The following STPG2 variants were observed in gnomAD, a reference collection of about 807,000 sequenced individuals.
STPG2 encodes sperm-tail PG-rich repeat-containing protein 2.
In STPG2, 56 loss-of-function variants were observed where a neutral mutation model predicts 54.2. The ratio of observed to expected loss-of-function variants is 1.03; its 90% CI spans 0.83 to 1.29. The LOEUF (loss-of-function observed/expected upper bound fraction) is 1.29, where lower values mean the gene tolerates loss of function less well. Among genes scored for constraint, STPG2 ranks in the 50% most tolerant of loss-of-function variants. The pLI is 0.00. For missense variants in STPG2, 596 were observed against 544.9 expected (o/e 1.09, Z -0.93); for synonymous variants, 200 against 181.8 (o/e 1.10, Z -0.81).
At chr4:97,502,643 G>T (rs1730750853) in intron 4 of STPG2, among the ~76,000 whole-genome samples, 2 of 151,682 alleles carry the variant, frequency 1.3e-5, no homozygotes, top group African/African-American at 4.8e-5. Flanking sequence ...GTAAAGAAAT[G>T]GTGGTAAATA....
At chr4:98,132,448 C>A (rs1740022388) in intron 2 of STPG2, among the ~76,000 whole-genome samples, 1 of 151,936 alleles carries the variant, frequency 6.6e-6, no homozygotes, top group Non-Finnish European at 1.5e-5. Context: ...AACGTACTGA[C>A]TGAAGATGCT....
intron 5 of STPG2, among the ~76,000 whole-genome samples, chr4:98,047,913 C>T (rs1269991872): frequency 6.6e-6 from 1 of 152,048 alleles, no homozygotes; most frequent in Non-Finnish European, 1.5e-5. Context: ...TAAGTGGATA[C>T]GTGATACATA....
intron 4 of STPG2, among the ~76,000 whole-genome samples, chr4:97,533,093 G>A (rs879326935): frequency 2.6e-5 from 4 of 152,060 alleles, no homozygotes; most frequent in African/African-American, 7.2e-5. Flanking sequence ...GTGTTAGCCA[G>A]GATGGTTTCG....
chr4:97,662,708 G>C (rs969990863), intron 10 of STPG2, among the ~76,000 whole-genome samples: 11 of 152,104 alleles, frequency 7.2e-5, no homozygotes, highest in African/African-American at 2.7e-4. Flanking sequence ...AATATTGCAT[G>C]TTGTCATTTA....
intron 4 of STPG2, among the ~76,000 whole-genome samples, chr4:97,455,587 C>T (rs1408444533): frequency 6.6e-6 from 1 of 152,218 alleles, no homozygotes; most frequent in African/African-American, 2.4e-5. Flanking sequence ...ACTACATCCC[C>T]TTCTGGCTCT....
intron 9 of STPG2, among the ~76,000 whole-genome samples, chr4:97,831,281 A>G (rs1282954003): frequency 6.6e-6 from 1 of 152,196 alleles, no homozygotes; most frequent in African/African-American, 2.4e-5. Context: ...TACTGGGTAA[A>G]TAACGAAATG....
In STPG2 at chr4:97,771,297, G is replaced by A. The variant is rs1420214785; in HGVS notation, c.1205-58483C>T. On this transcript the variant is annotated intron_variant, in intron 9 of 10. Transcript: ENST00000295268. ...GAAGAATTATTAAACTATGATAAAA[G>A]AGTAACTCTAGGATATAAGAAAACT... Among the ~76,000 whole-genome samples the A allele has an allele frequency of 1.3e-5, 2 of 152,160 alleles. 1 individual carries two copies. The highest frequency in any genetic ancestry group is 2.9e-5 in the Non-Finnish European group (2 of 68,038).
At chr4:97,884,470 T>G (rs894687487) in intron 8 of STPG2, among the ~76,000 whole-genome samples, 3 of 152,146 alleles carry the variant, frequency 2.0e-5, no homozygotes, top group African/African-American at 7.2e-5. Flanking sequence ...AAAAACCATG[T>G]GAAGACACCA....
intron 8 of STPG2, among the ~76,000 whole-genome samples, chr4:97,892,424 A>C (rs1208657249): frequency 6.6e-6 from 1 of 152,144 alleles, no homozygotes; most frequent in African/African-American, 2.4e-5. Context: ...GATAGTTACA[A>C]GTTCCTAATA....
intron 8 of STPG2, among the ~76,000 whole-genome samples, chr4:97,903,764 G>A (rs1213902183): frequency 6.6e-6 from 1 of 152,234 alleles, no homozygotes; most frequent in Non-Finnish European, 1.5e-5. Context: ...AGCCGAAGCA[G>A]GGCGAGACAT....
intron 9 of STPG2, among the ~76,000 whole-genome samples, chr4:97,820,013 A>C (rs1728034320): frequency 6.6e-6 from 1 of 152,104 alleles, no homozygotes; most frequent in East Asian, 1.9e-4. Context: ...ACCCTGCATT[A>C]GCAAGTCTAT....
At chr4:98,022,108 A>G (rs1736226642) in intron 5 of STPG2, among the ~76,000 whole-genome samples, 1 of 152,062 alleles carries the variant, frequency 6.6e-6, no homozygotes. Flanking sequence ...GTTTCTTCCT[A>G]GCCTTGATGG....
At chr4:97,875,468 G>C (rs1578646013) in intron 8 of STPG2, among the ~76,000 whole-genome samples, 1 of 151,320 alleles carries the variant, frequency 6.6e-6, no homozygotes, top group Admixed American at 6.6e-5. Context: ...TTAAATTATA[G>C]GTAGAATATA....
intron 4 of STPG2, among the ~76,000 whole-genome samples, chr4:97,526,330 T>A (rs983640334): frequency 2.0e-5 from 3 of 149,986 alleles, no homozygotes; most frequent in Non-Finnish European, 4.4e-5. Context: ...TATAAACACA[T>A]TTTTTTTTAA....
chr4:97,976,867 T>G (rs1271702136), intron 6 of STPG2, among the ~76,000 whole-genome samples: 1 of 152,160 alleles, frequency 6.6e-6, no homozygotes, highest in East Asian at 1.9e-4. Flanking sequence ...AGACTGACGG[T>G]AAGACCCAAT....
At chr4:97,463,643 T>C (rs554041309) in intron 4 of STPG2, 1 of 152,262 alleles carries the variant, frequency 6.6e-6, no homozygotes, top group South Asian at 2.1e-4. Context: ...AAAGATGGAG[T>C]TTCACCATGT....
At chr4:97,810,696 T>C (rs1484710764) in intron 9 of STPG2, among the ~76,000 whole-genome samples, 1 of 152,026 alleles carries the variant, frequency 6.6e-6, no homozygotes, top group Non-Finnish European at 1.5e-5. Context: ...TAAAGTGTAA[T>C]AGGAAAGCAA....
In STPG2 at chr4:97,943,952, T is replaced by A. The variant is rs781115465; in HGVS notation, c.989A>T (p.Asn330Ile). ...GISDELPNLT[N>I]KYAAFLSRAK... ...TCTTGACAAGAAAGCAGCATATTTG[T>A]TAGTCAAGTTAGGTAATTCATCAGA... Residue 330 changes from asparagine to isoleucine, a missense_variant, in exon 8 of 11, where the codon AAC (asparagine) becomes ATC (isoleucine). Transcript: ENST00000295268. 1.9e-6 allele frequency: 3 copies of A among 1,599,730 alleles called. No individual in the cohort carries two copies. In the South Asian group the frequency reaches 3.4e-5, roughly 18 times the overall value.
chr4:97,683,246 C>T (rs1352711057), intron 10 of STPG2, among the ~76,000 whole-genome samples: 2 of 151,928 alleles, frequency 1.3e-5, no homozygotes, highest in African/African-American at 2.4e-5. Context: ...CATAGAATTA[C>T]ATACACAAAA....
Sources: allele counts gnomAD v4.1 joint callset (sites outside exome capture counted in the v4.1 genomes callset), GRCh38; gene constraint gnomAD v4.1.1; transcripts MANE v1.5; gene names NCBI Gene and HGNC (gene_info 2026-07-23, HGNC 2026-07-21).